USP34: variants seen among roughly 807,000 people sequenced by gnomAD.
The protein encoded by USP34 is ubiquitin specific peptidase 34.
USP34 carries 70 observed loss-of-function variants against 460.3 expected under a neutral mutation model. The ratio of observed to expected loss-of-function variants is 0.15; its 90% CI spans 0.13 to 0.19. USP34 has a LOEUF of 0.19. USP34 is among the 10% of genes least tolerant of loss of function. The probability of loss-of-function intolerance (pLI) is 1.00; values close to 1 mark genes in which losing one functional copy is unlikely to be tolerated. For missense variants in USP34, 3,985 were observed against 4,236.2 expected (o/e 0.94, Z 1.65); for synonymous variants, 1,647 against 1,405.3 (o/e 1.17, Z -3.85).
chr2:61,264,723 TA>T (rs1333605594), intron 43 of USP34, among the ~76,000 whole-genome samples: 2 of 151,600 alleles, frequency 1.3e-5, no homozygotes, highest in Non-Finnish European at 2.9e-5. Flanking sequence ...AAAGGCAAAC[TA>T]AAAAATAGCC....
At chr2:61,393,578 G>A (rs926625611) in intron 5 of USP34, among the ~76,000 whole-genome samples, 1 of 152,064 alleles carries the variant, frequency 6.6e-6, no homozygotes, top group African/African-American at 2.4e-5. Flanking sequence ...TAATGTCAGT[G>A]CTGTTTCCAA....
chr2:61,256,838 C>A, intron 47 of USP34, 35 bp downstream of exon 47: 1 of 1,497,172 alleles, frequency 6.7e-7, no homozygotes, highest in Non-Finnish European at 9.0e-7. Context: ...TAGGTAAAAG[C>A]ATAAAGTAAA....
At chr2:61,433,497 G>A (rs1176808046) in intron 1 of USP34, among the ~76,000 whole-genome samples, 1 of 152,080 alleles carries the variant, frequency 6.6e-6, no homozygotes, top group Non-Finnish European at 1.5e-5. Flanking sequence ...AGCCGGGCGT[G>A]GTGGTGGGTG....
chr2:61,196,958 T>C (rs1300379858), intron 75 of USP34, among the ~76,000 whole-genome samples: 2 of 152,200 alleles, frequency 1.3e-5, no homozygotes, highest in Admixed American at 6.5e-5. Flanking sequence ...TATTCTGTTA[T>C]AAGTATCTCT....
At chr2:61,309,589 G>C (rs1436331393) in intron 27 of USP34, among the ~76,000 whole-genome samples, 1 of 152,098 alleles carries the variant, frequency 6.6e-6, no homozygotes, top group Non-Finnish European at 1.5e-5. Context: ...ATTTGTACTT[G>C]GATTGTCTTT....
At chr2:61,218,790 AG>A (rs1394372608) in intron 67 of USP34, among the ~76,000 whole-genome samples, 1 of 152,288 alleles carries the variant, frequency 6.6e-6, no homozygotes, top group East Asian at 1.9e-4. Context: ...GGTTTTTGGA[AG>A]GAAGACCACA....
intron 8 of USP34, among the ~76,000 whole-genome samples, chr2:61,373,702 AT>A (rs1270336687): frequency 6.6e-6 from 1 of 152,342 alleles, no homozygotes; most frequent in East Asian, 1.9e-4. Context: ...TGTTACTCGC[AT>A]TAGTTATATT....
At chr2:61,250,370 G>C (rs1406668355) in intron 48 of USP34, 1 of 167,862 alleles carries the variant, frequency 6.0e-6, no homozygotes, top group East Asian at 1.8e-4. Flanking sequence ...ATAAGGGCTT[G>C]CTGTACATTA....
At chr2:61,365,346 T>C (rs956434652) in intron 10 of USP34, among the ~76,000 whole-genome samples, 1 of 152,052 alleles carries the variant, frequency 6.6e-6, no homozygotes, top group Non-Finnish European at 1.5e-5. Flanking sequence ...TATGTATGTA[T>C]GTATGTATGC....
intron 69 of USP34, among the ~76,000 whole-genome samples, chr2:61,211,274 G>C (rs1487094448): frequency 6.6e-6 from 1 of 152,256 alleles, no homozygotes; most frequent in East Asian, 1.9e-4. Context: ...TCTAGGTTAA[G>C]GGGAATTAAG....
Position 61,214,724 on chromosome 2 carries a change from C to A in USP34, c.8048-30G>T, listed in dbSNP as rs777259014. 7 of 1,607,400 alleles carry A rather than the reference C, an allele frequency of 4.4e-6. No individual in the cohort carries two copies. In the Admixed American group the frequency reaches 5.1e-5, roughly 12 times the overall value. On this transcript the variant is annotated intron_variant, in intron 67 of 79. Coordinates refer to ENST00000398571, the MANE Select transcript of USP34 (RefSeq NM_014709.4). ...AAAATGTAAAACAAAACTGTCAGAT[C>A]CTTGTAAGATATAAAATAGACTGAA...
intron 1 of USP34, among the ~76,000 whole-genome samples, chr2:61,442,770 G>A (rs1214465063): frequency 3.9e-5 from 6 of 152,038 alleles, no homozygotes; most frequent in African/African-American, 1.2e-4. Context: ...TTTATCCAAA[G>A]GAAAGGAAAA....
intron 10 of USP34, among the ~76,000 whole-genome samples, chr2:61,359,788 T>TG (rs1274789364): frequency 2.1e-5 from 3 of 144,734 alleles, no homozygotes; most frequent in African/African-American, 7.6e-5. Context: ...TGTTTTTTTT[T>TG]TTTTTTTTTT....
Position 61,236,222 on chromosome 2 carries a change from A to C in USP34, c.6857T>G (p.Leu2286Trp). ...TAATGTACTGGGAATACAACTACACAATTGCCACATAAATCTAGAATTTAA... is the reference window on the plus strand; with the variant it reads ...TAATGTACTGGGAATACAACTACACCATTGCCACATAAATCTAGAATTTAA... Reference protein sequence around the residue: ...EHTYFGFMWQLCSCIPSTLPD... With the variant: ...EHTYFGFMWQWCSCIPSTLPD... The change falls in exon 55 of 80, where the codon TTG becomes TGG. Residue 2286 changes from leucine (L) to tryptophan (W), a missense_variant. This residue lies in a region of USP34 where 604 missense variants were observed against 684.8 expected (regional missense o/e 0.88). Coordinates refer to ENST00000398571, the MANE Select transcript of USP34 (RefSeq NM_014709.4). The C allele has an allele frequency of 6.2e-7, 1 of 1,610,460 alleles. No homozygotes were observed. Among genetic ancestry groups the C allele is most frequent in the Non-Finnish European group, 8.5e-7 (1 of 1,178,692 alleles).
chr2:61,343,487 C>T (rs895827385), intron 16 of USP34, among the ~76,000 whole-genome samples: 2 of 152,120 alleles, frequency 1.3e-5, no homozygotes, highest in East Asian at 1.9e-4. Flanking sequence ...ATTTCCTATA[C>T]TTTTAGGTCC....
intron 3 of USP34, among the ~76,000 whole-genome samples, chr2:61,403,812 C>T (rs753803501): frequency 8.6e-5 from 13 of 151,458 alleles, no homozygotes; most frequent in East Asian, 1.9e-4. Flanking sequence ...AGGGTGAAGC[C>T]CCATCTCTAC....
intron 1 of USP34, among the ~76,000 whole-genome samples, chr2:61,439,130 A>T (rs546402641): frequency 1.3e-5 from 2 of 152,300 alleles, no homozygotes; most frequent in African/African-American, 4.8e-5. Context: ...ACCTAAAAAC[A>T]GCTGGGCATG....
chr2:61,258,062 G>A (rs1688768488), intron 44 of USP34, among the ~76,000 whole-genome samples: 1 of 152,044 alleles, frequency 6.6e-6, no homozygotes. Context: ...TCTGTTAAAA[G>A]GAGATTAAAG....
chr2:61,271,113 G>A (rs62152273), intron 41 of USP34, among the ~76,000 whole-genome samples: 17,501 of 151,920 alleles, frequency 0.12, 1,190 homozygotes, highest in Non-Finnish European at 0.15. Context: ...GTGAAAACCC[G>A]CCTCTACAAA....
Sources: gnomAD v4.1 joint callset for allele counts (sites outside exome capture counted in the v4.1 genomes callset) on GRCh38, gnomAD v4.1.1 for gene constraint, gnomAD v4.1.1 regional missense constraint, MANE v1.5 for transcripts, NCBI Gene and HGNC (gene_info 2026-07-23, HGNC 2026-07-21) for gene names.